COL24A1: variants seen among roughly 807,000 people sequenced by gnomAD.
COL24A1 encodes collagen type XXIV alpha 1 chain.
A neutral mutation model predicts 253.9 loss-of-function variants in COL24A1; 224 were observed. The ratio of observed to expected loss-of-function variants is 0.88; its 90% CI spans 0.79 to 0.99. The LOEUF (loss-of-function observed/expected upper bound fraction) is 0.99. Ranked by LOEUF, COL24A1 falls within the 50% of genes least tolerant of loss-of-function variation. COL24A1 has a pLI of 0.00. For missense variants in COL24A1, 2,131 were observed against 2,068.5 expected, an observed-to-expected ratio of 1.03 and a Z score of -0.59; for synonymous variants, 685 against 673.7, an observed-to-expected ratio of 1.02 and a Z score of -0.26.
chr1:85,745,730 T>C (rs1425430774), intron 55 of COL24A1, among the ~76,000 whole-genome samples: 1 of 152,170 alleles, frequency 6.6e-6, no homozygotes, highest in Non-Finnish European at 1.5e-5. Context: ...CTAATTAAAA[T>C]AGGACCAGAG....
intron 55 of COL24A1, among the ~76,000 whole-genome samples, chr1:85,760,669 G>A (rs17400787): frequency 0.12 from 17,873 of 152,092 alleles, 1,325 homozygotes; most frequent in South Asian, 0.18. Flanking sequence ...ATGGTGTAGC[G>A]AACAGTAGAT....
chr1:85,927,814 AG>A (rs1175986937), intron 24 of COL24A1, among the ~76,000 whole-genome samples: 1 of 117,092 alleles, frequency 8.5e-6, no homozygotes, highest in Non-Finnish European at 1.8e-5. Context: ...ACCCCCCAGC[AG>A]GGGCACACTG....
intron 47 of COL24A1, among the ~76,000 whole-genome samples, chr1:85,815,547 G>T (rs1672972891): frequency 1.3e-5 from 2 of 152,038 alleles, no homozygotes; most frequent in African/African-American, 2.4e-5. Flanking sequence ...TATTTTCAGA[G>T]AATCTGACTA....
At chr1:85,825,689 T>G (rs1353145441) in intron 43 of COL24A1, among the ~76,000 whole-genome samples, 1 of 148,878 alleles carries the variant, frequency 6.7e-6, no homozygotes, top group African/African-American at 2.5e-5. Context: ...GATGAGCATT[T>G]TTTCATGTGT....
chr1:85,987,714 A>G, intron 19 of COL24A1, 60 bp from the exon 20 acceptor site: 3 of 1,457,018 alleles, frequency 2.1e-6, no homozygotes, highest in Non-Finnish European at 1.9e-6. Flanking sequence ...TCCATTTAGC[A>G]TATAAAATTC....
intron 11 of COL24A1, 78 bp downstream of exon 11, chr1:86,050,046 A>G (rs2101674599): frequency 2.4e-6 from 3 of 1,247,564 alleles, no homozygotes; most frequent in East Asian, 2.5e-5. Context: ...CTTCCCTGAC[A>G]TCTGATTTTA....
intron 53 of COL24A1, among the ~76,000 whole-genome samples, chr1:85,773,376 G>C (rs966410463): frequency 2.0e-5 from 3 of 152,008 alleles, no homozygotes; most frequent in African/African-American, 7.2e-5. Context: ...TTCATATGAA[G>C]TTTGAAGTAG....
intron 26 of COL24A1, among the ~76,000 whole-genome samples, chr1:85,909,563 T>C (rs1190689267): frequency 4.0e-5 from 6 of 151,874 alleles, no homozygotes; most frequent in Non-Finnish European, 8.8e-5. Context: ...AGAATGGCAG[T>C]GCTGATATGT....
chr1:86,156,404 C>T lies in COL24A1; in HGVS notation c.-8G>A, dbSNP rs1413699643. On this transcript the variant is annotated 5_prime_UTR_variant, in exon 1 of 60. The change abolishes an upstream ATG in the 5' untranslated region. Transcript: ENST00000370571. ...GTGGGCTCTTAAATGCATTTGTATG[C>T]ATTTGTCCGTGCAGCAAAGCGCTAA... 1.9e-6 allele frequency: 3 copies of T among 1,610,910 alleles called. No homozygotes were observed. The highest frequency in any genetic ancestry group is 1.7e-6 in the Non-Finnish European group (2 of 1,178,520).
chr1:85,987,923 A>G (rs748936453), intron 19 of COL24A1, among the ~76,000 whole-genome samples: 5 of 151,924 alleles, frequency 3.3e-5, no homozygotes, highest in Non-Finnish European at 5.9e-5. Flanking sequence ...TCTCAGTCCA[A>G]AATTATCCAC....
intron 52 of COL24A1, among the ~76,000 whole-genome samples, chr1:85,777,472 T>C (rs1668667757): frequency 6.6e-6 from 1 of 152,182 alleles, no homozygotes; most frequent in African/African-American, 2.4e-5. Flanking sequence ...ATGAAATAAC[T>C]GAGTCAGCCA....
At chr1:86,136,157 A>G (rs1439433365) in intron 2 of COL24A1, among the ~76,000 whole-genome samples, 2 of 152,032 alleles carry the variant, frequency 1.3e-5, no homozygotes, top group Non-Finnish European at 2.9e-5. Flanking sequence ...CCTTCATCTC[A>G]GTGAGTAGAT....
At chr1:85,940,689 T>A (rs115190006) in intron 24 of COL24A1, among the ~76,000 whole-genome samples, 1 of 152,176 alleles carries the variant, frequency 6.6e-6, no homozygotes, top group East Asian at 1.9e-4. Context: ...AGTATCCAAA[T>A]AGGGATTTCA....
intron 3 of COL24A1, among the ~76,000 whole-genome samples, chr1:86,119,654 C>A (rs1233411818): frequency 6.6e-6 from 1 of 152,102 alleles, no homozygotes. Context: ...GTGTTTTAGG[C>A]AGCAATCTAA....
At chr1:86,108,562 C>G (rs1031731484) in intron 5 of COL24A1, among the ~76,000 whole-genome samples, 1 of 137,480 alleles carries the variant, frequency 7.3e-6, no homozygotes, top group East Asian at 2.2e-4. Context: ...GCAGGTGGAT[C>G]ACCTGAGGTC....
chr1:86,056,279 C>CGTTTTG (rs1700657238), intron 10 of COL24A1, among the ~76,000 whole-genome samples: 1 of 152,138 alleles, frequency 6.6e-6, no homozygotes, highest in Non-Finnish European at 1.5e-5. Context: ...AGAACAAAGA[C>CGTTTTG]AGCATGAGCT....
intron 37 of COL24A1, among the ~76,000 whole-genome samples, chr1:85,851,003 A>G (rs78938642): frequency 0.058 from 3,607 of 62,430 alleles, 95 homozygotes; most frequent in African/African-American, 0.13. Flanking sequence ...GTGTGTGTGT[A>G]TATATATATA....
chr1:85,893,815 A>C (rs1409434365), intron 31 of COL24A1, among the ~76,000 whole-genome samples: 2 of 152,094 alleles, frequency 1.3e-5, no homozygotes, highest in Non-Finnish European at 2.9e-5. Flanking sequence ...AATAAAAAAT[A>C]TGTATTTTTA....
intron 13 of COL24A1, among the ~76,000 whole-genome samples, chr1:86,032,870 T>C (rs1461231337): frequency 6.6e-6 from 1 of 152,176 alleles, no homozygotes; most frequent in African/African-American, 2.4e-5. Flanking sequence ...TCATGGATAG[T>C]AACTGACAAA....
Sources: gnomAD v4.1 joint callset for allele counts (sites outside exome capture counted in the v4.1 genomes callset) on GRCh38, gnomAD v4.1.1 for gene constraint, MANE v1.5 for transcripts, NCBI Gene and HGNC (gene_info 2026-07-23, HGNC 2026-07-21) for gene names.